The following OSBPL3 variants were observed in gnomAD, a reference collection of about 807,000 sequenced individuals.
The protein encoded by OSBPL3 is oxysterol binding protein like 3, also known as oxysterol-binding protein-related protein 3.
OSBPL3 carries 65 observed loss-of-function variants against 120.1 expected under a neutral mutation model. That is an observed-to-expected ratio of 0.54 (90% CI 0.44 to 0.67). OSBPL3 has a LOEUF of 0.67. Ranked by LOEUF, OSBPL3 falls within the 30% of genes least tolerant of loss-of-function variation. The probability of loss-of-function intolerance (pLI) is 0.00; values close to 1 mark genes in which losing one functional copy is unlikely to be tolerated. For synonymous variants in OSBPL3, 416 were observed against 402.6 expected, an observed-to-expected ratio of 1.03 and a Z score of -0.40; for missense variants, 1,004 against 1,082.1, an observed-to-expected ratio of 0.93 and a Z score of 1.01.
rs193266935 is a variant in OSBPL3 at position 24,862,664 on chromosome 7, C to T, written c.870+536G>A. Among the ~76,000 whole-genome samples the T allele has an allele frequency of 1.0e-3, 154 of 152,260 alleles. No homozygotes were observed. Among genetic ancestry groups the T allele is most frequent in the Non-Finnish European group, 1.8e-3 (123 of 68,034 alleles). ...TTAAGCTGCAAATCTTGGCCTGTGGCTTAGCTGTGCATTGGGAAAGCTCCT... is the reference window on the plus strand; with the variant it reads ...TTAAGCTGCAAATCTTGGCCTGTGGTTTAGCTGTGCATTGGGAAAGCTCCT... On this transcript the variant is annotated intron_variant, in intron 9 of 22. Transcript: ENST00000313367. The surrounding 1 kb of genome is among the most constrained non-coding windows in gnomAD (Gnocchi z 4.4).
rs557388564 is a variant in OSBPL3 at position 24,818,261 on chromosome 7, T to C, written c.1949-1573A>G. ...ACTGCACAGTTTATTAAATTCACAA[T>C]TCTGTGAATAAAAACCATTGAATTG... On this transcript the variant is annotated intron_variant, in intron 17 of 22. Coordinates refer to ENST00000313367, the MANE Select transcript of OSBPL3 (RefSeq NM_015550.4). This position sits in a 1 kb window ranked among gnomAD's most constrained non-coding sequence, Gnocchi z 4.0. Among the ~76,000 whole-genome samples, 49 of 152,286 alleles carry C rather than the reference T, an allele frequency of 3.2e-4. 1 individual carries two copies. The highest frequency in any genetic ancestry group is 2.8e-3 in the Admixed American group (43 of 15,298).
chr7:24,917,310 C>T (rs141798363), intron 1 of OSBPL3, among the ~76,000 whole-genome samples: 20 of 150,794 alleles, frequency 1.3e-4, no homozygotes, highest in Admixed American at 6.0e-4. Context: ...AGGCACCATA[C>T]AGACTGCGCA....
rs1806223321 is a variant in OSBPL3 at position 24,896,977 on chromosome 7, C to G, written c.-149-4356G>C. Among the ~76,000 whole-genome samples the G allele has an allele frequency of 6.6e-6, 1 of 151,394 alleles. No individual in the cohort carries two copies. ...GTCCCAGCTACTCAGGAGGCTGAGGCAGGAGAACTGCTTGAACCTGGGAGG... is the reference window on the plus strand; with the variant it reads ...GTCCCAGCTACTCAGGAGGCTGAGGGAGGAGAACTGCTTGAACCTGGGAGG... On this transcript the variant is annotated intron_variant, in intron 1 of 22. Coordinates refer to ENST00000313367, the MANE Select transcript of OSBPL3 (RefSeq NM_015550.4). The surrounding 1 kb of genome is among the most constrained non-coding windows in gnomAD (Gnocchi z 4.4).
intron 1 of OSBPL3, among the ~76,000 whole-genome samples, chr7:24,902,051 T>G (rs1220656770): frequency 6.6e-6 from 1 of 152,244 alleles, no homozygotes; most frequent in Non-Finnish European, 1.5e-5. Flanking sequence ...AGGCAAGTTT[T>G]TAGTCTCTCT....
rs1428177711 is a variant in OSBPL3 at position 24,966,455 on chromosome 7, C to CA, written c.-150+13430dup. ...ATCAAGGAACAAATGATGCAGAACT[C>CA]AAAGTAACAAACAAGCTGGAATGTT... On this transcript the variant is annotated intron_variant, in intron 1 of 22. Coordinates refer to ENST00000313367, the MANE Select transcript of OSBPL3 (RefSeq NM_015550.4). The surrounding 1 kb of genome is among the most constrained non-coding windows in gnomAD (Gnocchi z 4.8). Among the ~76,000 whole-genome samples, 1 of 152,132 alleles carries CA rather than the reference C, an allele frequency of 6.6e-6. No homozygotes were observed. Among genetic ancestry groups the CA allele is most frequent in the East Asian group, 1.9e-4 (1 of 5,198 alleles).
intron 1 of OSBPL3, among the ~76,000 whole-genome samples, chr7:24,970,099 CCTTTCTTT>C (rs1816831334): frequency 7.0e-6 from 1 of 143,022 alleles, no homozygotes; most frequent in Non-Finnish European, 1.5e-5. Context: ...TCCCTTCGTC[CCTTTCTTT>C]TTTTTTTTTT....
At position 24,834,817 on chromosome 7, in the gene OSBPL3, C is replaced by T. The variant is rs1052228455; in HGVS notation, c.1496-81G>A. 10 of 1,257,114 alleles carry T rather than the reference C, an allele frequency of 8.0e-6. No individual in the cohort carries two copies. Among genetic ancestry groups the T allele is most frequent in the African/African-American group, 4.5e-5 (3 of 66,442 alleles). The allele number at this position is 1,257,114 out of a possible 1,614,324, so 77.9% of individuals were successfully genotyped here. ...TTTTTAATCCACGAATAAAACCTTACGTAGCAAGTAGTCAATGTTACTATT... is the reference window on the plus strand; with the variant it reads ...TTTTTAATCCACGAATAAAACCTTATGTAGCAAGTAGTCAATGTTACTATT... On this transcript the variant is annotated intron_variant, in intron 14 of 22. Transcript: ENST00000313367. The surrounding 1 kb of genome is among the most constrained non-coding windows in gnomAD (Gnocchi z 5.2).
chr7:24,915,079 C>G (rs1350189577), intron 1 of OSBPL3, among the ~76,000 whole-genome samples: 1 of 152,126 alleles, frequency 6.6e-6, no homozygotes, highest in Non-Finnish European at 1.5e-5. Flanking sequence ...CAAAACCTAC[C>G]ATCAGTCAGC....
At position 24,820,158 on chromosome 7, in the gene OSBPL3, A is replaced by G; in HGVS notation, c.1948+17T>C. 6.5e-7 allele frequency: 1 copy of G among 1,538,366 alleles called. No homozygotes were observed. On this transcript the variant is annotated intron_variant, in intron 17 of 22. Coordinates refer to ENST00000313367, the MANE Select transcript of OSBPL3 (RefSeq NM_015550.4). This position sits in a 1 kb window ranked among gnomAD's most constrained non-coding sequence, Gnocchi z 4.6. Reference sequence around the variant, plus strand: ...TATTACACAATATGATGGAAGTAAAATGTATTAGCACATTACCTTGCCAGA... The same window carrying G: ...TATTACACAATATGATGGAAGTAAAGTGTATTAGCACATTACCTTGCCAGA...
chr7:24,947,778 TCACA>T lies in OSBPL3; in HGVS notation c.-150+32104_-150+32107del, dbSNP rs56135680. ...ATGTATACATACATATCCAATTAAA[TCACA>T]CACACACACACACACACACACACAC... On this transcript the variant is annotated intron_variant, in intron 1 of 22. Transcript: ENST00000313367. The surrounding 1 kb of genome is among the most constrained non-coding windows in gnomAD (Gnocchi z 4.4). 0.27 allele frequency among the ~76,000 whole-genome samples: 40,172 copies of T among 147,962 alleles called. 5,600 individuals are homozygous for T. Among genetic ancestry groups the T allele is most frequent in the Non-Finnish European group, 0.33 (22,111 of 66,822 alleles).
At chr7:24,870,701 G>T in intron 5 of OSBPL3, 31 bp downstream of exon 5, 1 of 1,330,484 alleles carries the variant, frequency 7.5e-7, no homozygotes, top group Admixed American at 1.7e-5. Context: ...CCCAACATAA[G>T]TGAACTCTGC....
At position 24,943,204 on chromosome 7, in the gene OSBPL3, A is replaced by G. The variant is rs140681033; in HGVS notation, c.-150+36682T>C. On this transcript the variant is annotated intron_variant, in intron 1 of 22. Coordinates refer to ENST00000313367, the MANE Select transcript of OSBPL3 (RefSeq NM_015550.4). Reference sequence around the variant, plus strand: ...GAATTCACTAATTTATGTCCCTTCCATGGTTGCCCTGGTGCAGTGCCATGC... The same window carrying G: ...GAATTCACTAATTTATGTCCCTTCCGTGGTTGCCCTGGTGCAGTGCCATGC... 5.1e-3 allele frequency among the ~76,000 whole-genome samples: 784 copies of G among 152,300 alleles called. 8 individuals are homozygous for G. The highest frequency in any genetic ancestry group is 0.035 in the South Asian group (167 of 4,828).
At chr7:24,909,473 T>C (rs1416241508) in intron 1 of OSBPL3, among the ~76,000 whole-genome samples, 1 of 152,158 alleles carries the variant, frequency 6.6e-6, no homozygotes, top group African/African-American at 2.4e-5. Context: ...AAGACCATAG[T>C]GTCACCATGC....
At chr7:24,914,901 C>G (rs910998082) in intron 1 of OSBPL3, among the ~76,000 whole-genome samples, 3 of 152,120 alleles carry the variant, frequency 2.0e-5, no homozygotes, top group Admixed American at 6.6e-5. Flanking sequence ...AACTGGAAAT[C>G]GTTTAGGAAT....
Position 24,804,409 on chromosome 7 carries a change from C to A in OSBPL3, c.2473G>T (p.Ala825Ser). Residue 825 changes from alanine (A) to serine (S), a missense_variant, in exon 22 of 23, where the codon GCT (alanine) becomes TCT (serine). By Grantham distance (99) the Ala-to-Ser change is moderately conservative. Around this residue, in one of 4 missense-constraint regions of OSBPL3, gnomAD observed 473 missense variants for 568.0 expected, o/e 0.83. Transcript: ENST00000313367. This position sits in a 1 kb window ranked among gnomAD's most constrained non-coding sequence, Gnocchi z 5.4. Reference protein sequence around the residue: ...RFLEEGNLEEAEIQKQRIEQL... With the variant: ...RFLEEGNLEESEIQKQRIEQL... ...TCAATCCTCTGCTTTTGTATTTCAG[C>A]TTCTTCTAAGTTCCCTTCCTCTAGA... 2 of 1,613,908 alleles carry A rather than the reference C, an allele frequency of 1.2e-6. No individual in the cohort carries two copies. The highest frequency in any genetic ancestry group is 1.7e-6 in the Non-Finnish European group (2 of 1,179,920).
chr7:24,860,062 T>C (rs1445922366), intron 10 of OSBPL3, among the ~76,000 whole-genome samples: 1 of 152,228 alleles, frequency 6.6e-6, no homozygotes, highest in Non-Finnish European at 1.5e-5. Context: ...GACATTAGTA[T>C]AATCTACAGA....
chr7:24,851,180 A>G lies in OSBPL3; in HGVS notation c.1158+1324T>C, dbSNP rs1584373062. On this transcript the variant is annotated intron_variant, in intron 11 of 22. Coordinates refer to ENST00000313367, the MANE Select transcript of OSBPL3 (RefSeq NM_015550.4). The surrounding 1 kb of genome is among the most constrained non-coding windows in gnomAD (Gnocchi z 4.1). ...AAGCTAGCTTAATGAGAACAATAAG[A>G]AAGTTAGGGAAAAAAAACAAAAACA... Among the ~76,000 whole-genome samples, 1 of 152,228 alleles carries G rather than the reference A, an allele frequency of 6.6e-6. No individual in the cohort carries two copies. Among genetic ancestry groups the G allele is most frequent in the East Asian group, 1.9e-4 (1 of 5,200 alleles).
chr7:24,799,318 C>T lies in OSBPL3; in HGVS notation c.*865G>A, dbSNP rs1447712984. 1 of 152,298 alleles carries T rather than the reference C, an allele frequency of 6.6e-6. No individual in the cohort carries two copies. The highest frequency in any genetic ancestry group is 1.9e-4 in the East Asian group (1 of 5,194). The allele number at this position is 152,298 out of a possible 1,614,324, so 9.4% of individuals were successfully genotyped here. ...ATATTAAACTGGGACATTCCATACTCAACAGGGAGGTGATCAAACGGAGGG... is the reference window on the plus strand; with the variant it reads ...ATATTAAACTGGGACATTCCATACTTAACAGGGAGGTGATCAAACGGAGGG... On this transcript the variant is annotated 3_prime_UTR_variant, in exon 23 of 23. Coordinates refer to ENST00000313367, the MANE Select transcript of OSBPL3 (RefSeq NM_015550.4). The surrounding 1 kb of genome is among the most constrained non-coding windows in gnomAD (Gnocchi z 5.3).
intron 5 of OSBPL3, among the ~76,000 whole-genome samples, chr7:24,869,262 T>A (rs1469116752): frequency 1.3e-5 from 2 of 152,218 alleles, no homozygotes; most frequent in Non-Finnish European, 2.9e-5. Flanking sequence ...TCATAATTAC[T>A]TTTATTTTGT....
Sources: allele counts gnomAD v4.1 joint callset (sites outside exome capture counted in the v4.1 genomes callset), GRCh38; gene constraint gnomAD v4.1.1; regional missense constraint gnomAD v4.1.1; non-coding constraint Gnocchi (gnomAD v3.1); transcripts MANE v1.5; gene names NCBI Gene and HGNC (gene_info 2026-07-23, HGNC 2026-07-21).